The following GPR39 variants were observed in gnomAD, a reference collection of about 807,000 sequenced individuals.
GPR39 encodes G protein-coupled receptor 39, also known as zinc sensing receptor.
GPR39 carries 23 observed loss-of-function variants against 18.4 expected under a neutral mutation model. That is an observed-to-expected ratio of 1.25 (90% CI 0.90 to 1.77). The LOEUF (loss-of-function observed/expected upper bound fraction) is 1.77. Among genes scored for constraint, GPR39 ranks in the 40% most tolerant of loss-of-function variants. The probability of loss-of-function intolerance (pLI) is 0.00; values close to 1 mark genes in which losing one functional copy is unlikely to be tolerated. For synonymous variants in GPR39, 280 were observed against 257.9 expected (o/e 1.09, Z -0.82); for missense variants, 647 against 602.4 (o/e 1.07, Z -0.78).
intron 1 of GPR39, among the ~76,000 whole-genome samples, chr2:132,460,718 G>T (rs1680815701): frequency 1.3e-5 from 2 of 151,812 alleles, no homozygotes; most frequent in Non-Finnish European, 2.9e-5. Context: ...CTCTGTCTCT[G>T]TCTTTTTTTT....
intron 1 of GPR39, among the ~76,000 whole-genome samples, chr2:132,640,478 T>C (rs555333103): frequency 6.6e-6 from 1 of 152,218 alleles, no homozygotes; most frequent in Admixed American, 6.5e-5. Context: ...TGCAAGGCTG[T>C]CTGGAGTATA....
chr2:132,446,573 T>C (rs1680542064), intron 1 of GPR39, among the ~76,000 whole-genome samples: 1 of 152,168 alleles, frequency 6.6e-6, no homozygotes, highest in East Asian at 1.9e-4. Flanking sequence ...GAATTCCTCT[T>C]AGAGAAAGAA....
At chr2:132,562,514 T>G (rs1206128327) in intron 1 of GPR39, among the ~76,000 whole-genome samples, 1 of 152,156 alleles carries the variant, frequency 6.6e-6, no homozygotes, top group Non-Finnish European at 1.5e-5. Context: ...CATGGACTCA[T>G]CCTTCAGTCC....
intron 1 of GPR39, among the ~76,000 whole-genome samples, chr2:132,608,103 AAG>A (rs1320126349): frequency 6.6e-6 from 1 of 152,196 alleles, no homozygotes; most frequent in Non-Finnish European, 1.5e-5. Flanking sequence ...GCAAAGAAAA[AAG>A]AAAAAAATAC....
intron 1 of GPR39, among the ~76,000 whole-genome samples, chr2:132,557,285 T>A (rs1243555377): frequency 6.6e-6 from 1 of 152,118 alleles, no homozygotes; most frequent in East Asian, 1.9e-4. Context: ...ACCATTGCAC[T>A]CCAGCCTGGG....
intron 1 of GPR39, among the ~76,000 whole-genome samples, chr2:132,585,471 G>A (rs1399174730): frequency 6.6e-6 from 1 of 152,106 alleles, no homozygotes; most frequent in Non-Finnish European, 1.5e-5. Flanking sequence ...TCCCCTCCCC[G>A]CTTCTCCCGT....
chr2:132,545,919 G>A (rs532207398), intron 1 of GPR39, among the ~76,000 whole-genome samples: 1 of 152,310 alleles, frequency 6.6e-6, no homozygotes, highest in East Asian at 1.9e-4. Flanking sequence ...CCACATAGGA[G>A]AGAGGACATG....
rs957826375 is a variant in GPR39 at position 132,645,588 on chromosome 2, TCAG to T, written c.1345_1347del (p.Gln449del). ...CCAATTCTGCTGCAGAGAATGGTTT[TCAG>T]GAGCATGAAGTTTGAATGTCAAGCG... On this transcript the variant is annotated inframe_deletion, in exon 2 of 2. Coordinates refer to ENST00000329321, the MANE Select transcript of GPR39 (RefSeq NM_001508.3). 6.2e-6 allele frequency: 10 copies of T among 1,612,232 alleles called. No individual in the cohort carries two copies. In the African/African-American group the frequency reaches 1.2e-4, roughly 19 times the overall value.
intron 1 of GPR39, among the ~76,000 whole-genome samples, chr2:132,470,108 C>T (rs896180183): frequency 2.6e-5 from 4 of 152,180 alleles, no homozygotes; most frequent in Admixed American, 2.0e-4. Flanking sequence ...GAGCTGTGAT[C>T]ACAGGTGGAT....
At chr2:132,477,114 T>A (rs1373614722) in intron 1 of GPR39, among the ~76,000 whole-genome samples, 2 of 152,238 alleles carry the variant, frequency 1.3e-5, no homozygotes, top group Non-Finnish European at 2.9e-5. Flanking sequence ...CCAGTGGGAA[T>A]AATAATTGCT....
rs60886637 is a variant in GPR39 at position 132,471,652 on chromosome 2, GTT to G, written c.856+53770_856+53771del. On this transcript the variant is annotated intron_variant, in intron 1 of 1. Transcript: ENST00000329321. Reference sequence around the variant, plus strand: ...AAGGTAGGGCCCAGCCCAGCAAGGAGTTTTTTTTTTTTTTTTTCTTCCCCATA... The same window carrying G: ...AAGGTAGGGCCCAGCCCAGCAAGGAGTTTTTTTTTTTTTTTCTTCCCCATA... Among the ~76,000 whole-genome samples, 879 of 138,462 alleles carry G rather than the reference GTT, an allele frequency of 6.3e-3. 9 individuals are homozygous for G. The highest frequency in any genetic ancestry group is 0.02 in the African/African-American group (740 of 37,508). The allele number at this position is 138,462 out of a possible 152,430, so 90.8% of individuals were successfully genotyped here. A position where few individuals can be genotyped will look rare whatever the true frequency, so the allele number is the denominator to read the frequency against.
At chr2:132,563,014 T>C (rs1680282327) in intron 1 of GPR39, among the ~76,000 whole-genome samples, 1 of 152,246 alleles carries the variant, frequency 6.6e-6, no homozygotes, top group African/African-American at 2.4e-5. Flanking sequence ...CAGTGTTTGC[T>C]GCCACAGGGA....
chr2:132,448,233 A>G lies in GPR39; in HGVS notation c.856+30335A>G, dbSNP rs146052866. Among the ~76,000 whole-genome samples the G allele has an allele frequency of 6.1e-4, 93 of 152,294 alleles. 1 individual carries two copies. Among genetic ancestry groups the G allele is most frequent in the African/African-American group, 2.1e-3 (89 of 41,572 alleles). On this transcript the variant is annotated intron_variant, in intron 1 of 1. Transcript: ENST00000329321. ...TGCCTGGACAAGACTCTCCTGGCAT[A>G]CTAAGATGGTGCTAGTGATGACAAT...
intron 1 of GPR39, among the ~76,000 whole-genome samples, chr2:132,595,268 C>T (rs886318174): frequency 3.3e-5 from 5 of 152,178 alleles, no homozygotes; most frequent in Admixed American, 1.3e-4. Flanking sequence ...TCCCAAACCA[C>T]TGGGATTATA....
intron 1 of GPR39, among the ~76,000 whole-genome samples, chr2:132,492,287 CAT>C (rs1183465636): frequency 1.5e-5 from 2 of 132,964 alleles, no homozygotes. Context: ...ATATATACAC[CAT>C]ATATATACAT....
At chr2:132,577,234 G>A (rs1405974115) in intron 1 of GPR39, among the ~76,000 whole-genome samples, 1 of 152,042 alleles carries the variant, frequency 6.6e-6, no homozygotes, top group African/African-American at 2.4e-5. Context: ...GCACACACCT[G>A]TAGGCCCAGC....
chr2:132,619,721 G>T (rs928253539), intron 1 of GPR39, among the ~76,000 whole-genome samples: 2 of 152,080 alleles, frequency 1.3e-5, no homozygotes, highest in African/African-American at 4.8e-5. Context: ...GGCCTGGGTA[G>T]TTAGGCAATT....
chr2:132,437,677 G>A (rs1208425092), intron 1 of GPR39, among the ~76,000 whole-genome samples: 1 of 152,202 alleles, frequency 6.6e-6, no homozygotes, highest in East Asian at 1.9e-4. Context: ...TAGACATTAT[G>A]TACTGGGCCT....
At position 132,417,823 on chromosome 2, in the gene GPR39, ACGCG is replaced by A. The variant is rs1194195030; in HGVS notation, c.782_785del (p.Thr261SerfsTer5). The A allele has an allele frequency of 6.2e-7, 1 of 1,613,684 alleles. No homozygotes were observed. Among genetic ancestry groups the A allele is most frequent in the Non-Finnish European group, 8.5e-7 (1 of 1,180,028 alleles). ...CCAGAAGGGCTCGCTGGCCGGGGGC[ACGCG>A]GCCTCCGCAGCTGAGGAAGTCCGAG... On this transcript the variant is annotated frameshift_variant, in exon 1 of 2. Transcript: ENST00000329321. LOFTEE classifies it high-confidence loss of function.
Sources: allele counts gnomAD v4.1 joint callset (sites outside exome capture counted in the v4.1 genomes callset), GRCh38; gene constraint gnomAD v4.1.1; transcripts MANE v1.5; gene names NCBI Gene and HGNC (gene_info 2026-07-23, HGNC 2026-07-21).